The following TRAPPC9 variants were observed in gnomAD, a reference collection of about 807,000 sequenced individuals.
The protein encoded by TRAPPC9 is IKK2 binding protein.
In TRAPPC9, 83 loss-of-function variants were observed where a neutral mutation model predicts 124.0. The ratio of observed to expected loss-of-function variants is 0.67; its 90% CI spans 0.56 to 0.80. TRAPPC9 has a LOEUF of 0.80. TRAPPC9 is among the 30% of genes least tolerant of loss of function. The pLI is 0.00. For synonymous variants in TRAPPC9, 638 were observed against 617.5 expected (o/e 1.03, Z -0.49); for missense variants, 1,302 against 1,508.3 (o/e 0.86, Z 2.27).
At chr8:140,290,932 C>T in intron 12 of TRAPPC9, 61 bp downstream of exon 12, 2 of 1,368,904 alleles carry the variant, frequency 1.5e-6, no homozygotes, top group South Asian at 1.2e-5. Flanking sequence ...TTAAGTAAAA[C>T]CTACTTTAAT....
At chr8:140,177,795 T>G (rs1196957122) in intron 17 of TRAPPC9, among the ~76,000 whole-genome samples, 1 of 152,114 alleles carries the variant, frequency 6.6e-6, no homozygotes, top group African/African-American at 2.4e-5. Flanking sequence ...ATAATTGTCT[T>G]GGGAATAGAC....
At chr8:140,388,115 T>C (rs1440971415) in intron 7 of TRAPPC9, among the ~76,000 whole-genome samples, 1 of 150,634 alleles carries the variant, frequency 6.6e-6, no homozygotes, top group East Asian at 2.0e-4. Context: ...CAGCAAACTA[T>C]CGCAAGGACA....
At chr8:140,167,798 T>C (rs2061872549) in intron 17 of TRAPPC9, among the ~76,000 whole-genome samples, 1 of 152,196 alleles carries the variant, frequency 6.6e-6, no homozygotes. Flanking sequence ...CCAGTACTTC[T>C]ACAAAGAAAC....
rs1423983952 is a variant in TRAPPC9 at position 139,728,140 on chromosome 8, T to C, written c.*2921A>G. Among the ~76,000 whole-genome samples the C allele has an allele frequency of 6.6e-6, 1 of 152,238 alleles. No homozygotes were observed. The highest frequency in any genetic ancestry group is 1.5e-5 in the Non-Finnish European group (1 of 68,042). On this transcript the variant is annotated 3_prime_UTR_variant, in exon 23 of 23. Transcript: ENST00000438773. ...AAAATCAAGGCTTAATTTAAGTAAC[T>C]TGTCCAAGGTCAAGGAGTTGACAAG...
intron 19 of TRAPPC9, among the ~76,000 whole-genome samples, chr8:139,944,207 A>C (rs1175544945): frequency 6.6e-6 from 1 of 152,234 alleles, no homozygotes; most frequent in East Asian, 1.9e-4. Flanking sequence ...GTCTCCCTTT[A>C]CAAGAAATGC....
intron 21 of TRAPPC9, among the ~76,000 whole-genome samples, chr8:139,757,018 T>G (rs1345595704): frequency 1.9e-4 from 19 of 98,540 alleles, no homozygotes; most frequent in East Asian, 6.7e-4. Flanking sequence ...AGCCAGGGTT[T>G]GGGGATGAGG....
chr8:139,958,308 G>T lies in TRAPPC9; in HGVS notation c.2810+30418C>A, dbSNP rs1413141899. On this transcript the variant is annotated intron_variant, in intron 19 of 22. Coordinates refer to ENST00000438773, the MANE Select transcript of TRAPPC9 (RefSeq NM_001160372.4). ...TTTGTTCCTGCCACTAAATGCTCTG[G>T]TTTTTTAAACCTCAATGCCTTTTCT... 2.6e-5 allele frequency among the ~76,000 whole-genome samples: 4 copies of T among 152,296 alleles called. No homozygotes were observed. In the East Asian group the frequency reaches 5.8e-4, roughly 22 times the overall value.
At chr8:139,824,883 T>C (rs1344630689) in intron 21 of TRAPPC9, among the ~76,000 whole-genome samples, 1 of 152,084 alleles carries the variant, frequency 6.6e-6, no homozygotes, top group African/African-American at 2.4e-5. Flanking sequence ...TTGTAAAAGG[T>C]TCCATGCTGT....
At chr8:140,101,572 T>TG (rs1184835434) in intron 17 of TRAPPC9, among the ~76,000 whole-genome samples, 3 of 146,948 alleles carry the variant, frequency 2.0e-5, no homozygotes, top group African/African-American at 7.6e-5. Context: ...GACGTAGTTT[T>TG]GGTCTTGTCA....
rs1031350550 is a variant in TRAPPC9, at chr8:139,907,588, G to A, written c.2964+2559C>T. On this transcript the variant is annotated intron_variant, in intron 20 of 22. Transcript: ENST00000438773. This position sits in a 1 kb window ranked among gnomAD's most constrained non-coding sequence, Gnocchi z 4.7. ...GAGAGGGAGGGAGGGAGGGAGGGAG[G>A]GATGATGTCCTTAATGTTAACTCTC... Among the ~76,000 whole-genome samples, 3 of 149,372 alleles carry A rather than the reference G, an allele frequency of 2.0e-5. No individual in the cohort carries two copies. The highest frequency in any genetic ancestry group is 6.7e-5 in the Admixed American group (1 of 14,908).
chr8:139,737,466 T>TCCCCG (rs765720342), intron 21 of TRAPPC9, among the ~76,000 whole-genome samples: 501 of 41,378 alleles, frequency 0.012, 77 homozygotes, highest in Admixed American at 0.11. Context: ...TCATCAGCCC[T>TCCCCG]CCCCCCCCCC....
At chr8:140,285,982 T>A (rs1003599437) in intron 13 of TRAPPC9, among the ~76,000 whole-genome samples, 5 of 152,214 alleles carry the variant, frequency 3.3e-5, no homozygotes, top group African/African-American at 1.2e-4. Context: ...GGCTCCACAA[T>A]AGGCACGGAG....
intron 6 of TRAPPC9, chr8:140,405,284 T>C: frequency 3.5e-6 from 1 of 288,598 alleles, no homozygotes; most frequent in Non-Finnish European, 6.6e-6. Context: ...ATAATATACA[T>C]TGATAAAAGA....
At chr8:140,302,433 T>C (rs1004665593) in intron 10 of TRAPPC9, among the ~76,000 whole-genome samples, 2 of 152,224 alleles carry the variant, frequency 1.3e-5, no homozygotes, top group Non-Finnish European at 2.9e-5. Flanking sequence ...CTTATCTGTC[T>C]GTAGCTGCAG....
Position 139,984,682 on chromosome 8 carries a change from C to T in TRAPPC9, c.2810+4044G>A, listed in dbSNP as rs549804679. ...CTCTGCACAACCCCTCCACGGAGGC[C>T]GAGTGTGCATCTGACCCACAGGAGG... On this transcript the variant is annotated intron_variant, in intron 19 of 22. Transcript: ENST00000438773. This position sits in a 1 kb window ranked among gnomAD's most constrained non-coding sequence, Gnocchi z 4.3. Among the ~76,000 whole-genome samples, 1 of 152,256 alleles carries T rather than the reference C, an allele frequency of 6.6e-6. No homozygotes were observed. Among genetic ancestry groups the T allele is most frequent in the East Asian group, 1.9e-4 (1 of 5,184 alleles).
chr8:140,353,880 G>C lies in TRAPPC9; in HGVS notation c.1495+6170C>G, dbSNP rs1050228652. Among the ~76,000 whole-genome samples, 1 of 152,208 alleles carries C rather than the reference G, an allele frequency of 6.6e-6. No homozygotes were observed. Among genetic ancestry groups the C allele is most frequent in the Admixed American group, 6.5e-5 (1 of 15,282 alleles). On this transcript the variant is annotated intron_variant, in intron 9 of 22. Transcript: ENST00000438773. The surrounding 1 kb of genome is among the most constrained non-coding windows in gnomAD (Gnocchi z 4.2). ...ACAGTTGGTGTCTTTGAGGAGCTTAGAGGCTTGCTGGGTGGGCAAACAGAC... is the reference window on the plus strand; with the variant it reads ...ACAGTTGGTGTCTTTGAGGAGCTTACAGGCTTGCTGGGTGGGCAAACAGAC...
At chr8:139,851,117 C>T (rs1827416803) in intron 21 of TRAPPC9, among the ~76,000 whole-genome samples, 1 of 152,184 alleles carries the variant, frequency 6.6e-6, no homozygotes, top group African/African-American at 2.4e-5. Flanking sequence ...CTGTCAGAGC[C>T]TAACCTGTCA....
intron 17 of TRAPPC9, among the ~76,000 whole-genome samples, chr8:140,039,463 T>C (rs1841121555): frequency 6.6e-6 from 1 of 152,208 alleles, no homozygotes; most frequent in African/African-American, 2.4e-5. Context: ...TTAAAAAACA[T>C]ATAATTATTA....
At chr8:139,837,621 G>A (rs1456008308) in intron 21 of TRAPPC9, among the ~76,000 whole-genome samples, 1 of 152,218 alleles carries the variant, frequency 6.6e-6, no homozygotes, top group Non-Finnish European at 1.5e-5. Flanking sequence ...CTGAAGGCAG[G>A]CCTGTCTCCA....
Sources: allele counts gnomAD v4.1 joint callset (sites outside exome capture counted in the v4.1 genomes callset), GRCh38; gene constraint gnomAD v4.1.1; non-coding constraint Gnocchi (gnomAD v3.1); transcripts MANE v1.5; gene names NCBI Gene and HGNC (gene_info 2026-07-23, HGNC 2026-07-21).